The following NWD2 variants were observed in gnomAD, a reference collection of about 807,000 sequenced individuals.
NWD2 encodes NACHT and WD repeat domain containing 2, also known as NACHT and WD repeat domain-containing protein 2.
NWD2 carries 37 observed loss-of-function variants against 132.7 expected under a neutral mutation model. The ratio of observed to expected loss-of-function variants is 0.28; its 90% CI spans 0.21 to 0.37. NWD2 has a LOEUF of 0.37. Among genes scored for constraint, NWD2 ranks in the 10% least tolerant of loss-of-function variants. The pLI is 1.00. For missense variants in NWD2, 1,592 were observed against 2,122.4 expected (o/e 0.75, Z 4.91); for synonymous variants, 705 against 803.0 (o/e 0.88, Z 2.06).
At chr4:37,372,468 A>T (rs1720248069) in intron 3 of NWD2, among the ~76,000 whole-genome samples, 1 of 152,198 alleles carries the variant, frequency 6.6e-6, no homozygotes, top group South Asian at 2.1e-4. Context: ...GAATTTACGT[A>T]TTAATTACTC....
chr4:37,408,396 C>T (rs563957565), intron 3 of NWD2, among the ~76,000 whole-genome samples: 2 of 152,330 alleles, frequency 1.3e-5, no homozygotes, highest in East Asian at 3.9e-4. Context: ...TTTATGCTCA[C>T]AGTGTAAACA....
At chr4:37,246,781 A>T (rs1717252988) in intron 1 of NWD2, among the ~76,000 whole-genome samples, 1 of 152,216 alleles carries the variant, frequency 6.6e-6, no homozygotes, top group South Asian at 2.1e-4. Context: ...TGCTGATGTG[A>T]AGCTAGCTAA....
chr4:37,389,785 A>T (rs962507262), intron 3 of NWD2, among the ~76,000 whole-genome samples: 18 of 149,396 alleles, frequency 1.2e-4, no homozygotes, highest in African/African-American at 3.7e-4. Flanking sequence ...AATCATACGC[A>T]TTTTTTTTTT....
At chr4:37,425,255 C>G (rs1371144248) in intron 3 of NWD2, among the ~76,000 whole-genome samples, 1 of 152,176 alleles carries the variant, frequency 6.6e-6, no homozygotes, top group Non-Finnish European at 1.5e-5. Context: ...CTATCCAGTT[C>G]CAAACCATTA....
chr4:37,309,307 G>A (rs1718779973), intron 1 of NWD2, among the ~76,000 whole-genome samples: 1 of 152,114 alleles, frequency 6.6e-6, no homozygotes, highest in Admixed American at 6.5e-5. Context: ...TCAAATTCTG[G>A]GGAGCACATG....
chr4:37,409,443 G>A (rs1426308252), intron 3 of NWD2, among the ~76,000 whole-genome samples: 1 of 151,850 alleles, frequency 6.6e-6, no homozygotes, highest in Non-Finnish European at 1.5e-5. Context: ...AATAAAGCGT[G>A]AAGACAAGAT....
chr4:37,367,874 G>GTCTA (rs1720133591), intron 3 of NWD2, among the ~76,000 whole-genome samples: 1 of 152,158 alleles, frequency 6.6e-6, no homozygotes, highest in African/African-American at 2.4e-5. Flanking sequence ...CAGGATTTCA[G>GTCTA]TCTAAGTCTC....
chr4:37,271,654 T>G (rs897886516), intron 1 of NWD2, among the ~76,000 whole-genome samples: 15 of 151,806 alleles, frequency 9.9e-5, no homozygotes, highest in African/African-American at 3.6e-4. Flanking sequence ...CTTTTGCCTT[T>G]TAGGTCTTCA....
intron 6 of NWD2, among the ~76,000 whole-genome samples, chr4:37,442,308 AT>A (rs1208088118): frequency 9.2e-5 from 14 of 152,232 alleles, no homozygotes; most frequent in Admixed American, 9.2e-4. Context: ...TCATTGGAGT[AT>A]TTTATGCCTT....
At chr4:37,380,238 G>GA (rs1423766571) in intron 3 of NWD2, among the ~76,000 whole-genome samples, 2 of 152,202 alleles carry the variant, frequency 1.3e-5, no homozygotes, top group African/African-American at 4.8e-5. Context: ...TCTGTTTGAC[G>GA]ATAAAGTCCG....
intron 1 of NWD2, among the ~76,000 whole-genome samples, chr4:37,301,640 TATTA>T (rs1425683845): frequency 1.3e-5 from 2 of 152,064 alleles, no homozygotes; most frequent in East Asian, 3.8e-4. Flanking sequence ...CTAGAGGTTT[TATTA>T]ATTTCTTTTT....
chr4:37,369,296 A>G (rs80049902), intron 3 of NWD2, among the ~76,000 whole-genome samples: 2,127 of 152,256 alleles, frequency 0.014, 18 homozygotes, highest in Non-Finnish European at 0.024. Context: ...AATTTAAGGT[A>G]TATAAGTGCA....
intron 3 of NWD2, among the ~76,000 whole-genome samples, chr4:37,382,747 A>G (rs565511695): frequency 2.6e-5 from 4 of 151,904 alleles, no homozygotes; most frequent in African/African-American, 9.7e-5. Context: ...CTGGAGTGCA[A>G]TGGCGTGATC....
In NWD2 at chr4:37,444,805, G is replaced by T; in HGVS notation, c.2817G>T (p.Gly939=). 1 of 1,551,944 alleles carries T rather than the reference G, an allele frequency of 6.4e-7. No homozygotes were observed. The highest frequency in any genetic ancestry group is 2.4e-5 in the East Asian group (1 of 40,914). Reference sequence around the variant, plus strand: ...TTCTTTTAGAGTGTGATAAAGATGGGCCCAAATATTGCTCCATTGTACCAC... The same window carrying T: ...TTCTTTTAGAGTGTGATAAAGATGGTCCCAAATATTGCTCCATTGTACCAC... ...RHLLLECDKD[G]PKYCSIVPLH... is the part of the protein sequence containing the mutation. The change falls in exon 7 of 7, where the codon GGG becomes GGT. Residue 939 remains glycine (G), a synonymous_variant. Coordinates refer to ENST00000309447, the MANE Select transcript of NWD2 (RefSeq NM_001144990.2). The surrounding 1 kb of genome is among the most constrained non-coding windows in gnomAD (Gnocchi z 4.8).
chr4:37,351,781 T>TTAGA (rs1334913941), intron 2 of NWD2, among the ~76,000 whole-genome samples: 30 of 152,244 alleles, frequency 2.0e-4, no homozygotes, highest in Non-Finnish European at 1.8e-4. Flanking sequence ...GGTGTCGATT[T>TTAGA]TAGATCTTTC....
At chr4:37,308,843 A>G (rs560694940) in intron 1 of NWD2, among the ~76,000 whole-genome samples, 1 of 152,252 alleles carries the variant, frequency 6.6e-6, no homozygotes, top group African/African-American at 2.4e-5. Context: ...TCTAAGGGGA[A>G]TGCAAGCACA....
intron 3 of NWD2, among the ~76,000 whole-genome samples, chr4:37,415,553 A>C (rs1357153814): frequency 6.6e-6 from 1 of 151,994 alleles, no homozygotes; most frequent in East Asian, 1.9e-4. Context: ...AAATACAAAA[A>C]ATTAGCCGGG....
intron 3 of NWD2, among the ~76,000 whole-genome samples, chr4:37,388,270 G>A (rs539697194): frequency 3.6e-4 from 54 of 152,070 alleles, no homozygotes; most frequent in South Asian, 3.1e-3. Context: ...TGCAACCTCC[G>A]CCTCCCAGGT....
In NWD2 at chr4:37,316,568, T is replaced by C. The variant is rs150297236; in HGVS notation, c.152-9368T>C. Among the ~76,000 whole-genome samples the C allele has an allele frequency of 3.3e-4, 51 of 152,270 alleles. 2 individuals are homozygous for C. The highest frequency in any genetic ancestry group is 6.8e-3 in the Middle Eastern group (2 of 294). ...TGATTATTTATTTAAATTTTCTTCC[T>C]TTCCCTTTATCTTCTCCTTCTGGGA... On this transcript the variant is annotated intron_variant, in intron 1 of 6. Coordinates refer to ENST00000309447, the MANE Select transcript of NWD2 (RefSeq NM_001144990.2).
Sources: allele counts gnomAD v4.1 joint callset (sites outside exome capture counted in the v4.1 genomes callset), GRCh38; gene constraint gnomAD v4.1.1; non-coding constraint Gnocchi (gnomAD v3.1); transcripts MANE v1.5; gene names NCBI Gene and HGNC (gene_info 2026-07-23, HGNC 2026-07-21).